TFRC: variants seen among roughly 807,000 people sequenced by gnomAD.
TFRC encodes transferrin receptor.
A neutral mutation model predicts 85.8 loss-of-function variants in TFRC; 35 were observed. The observed-to-expected ratio is 0.41, with a 90% CI of 0.31 to 0.54. The LOEUF (loss-of-function observed/expected upper bound fraction) is 0.54, where lower values mean the gene tolerates loss of function less well. Among genes scored for constraint, TFRC ranks in the 20% least tolerant of loss-of-function variants. TFRC has a pLI of 0.31. For missense variants in TFRC, 828 were observed against 921.5 expected (o/e 0.90, Z 1.31); for synonymous variants, 362 against 328.6 (o/e 1.10, Z -1.10).
chr3:196,066,841 G>A (rs2300774), intron 9 of TFRC, among the ~76,000 whole-genome samples: 73,089 of 152,024 alleles, frequency 0.48, 19,361 homozygotes, highest in Non-Finnish European at 0.61. Context: ...CAGGATCAGA[G>A]AACCTATGTC....
chr3:196,060,452 G>A (rs534987968), intron 13 of TFRC: 14 of 551,260 alleles, frequency 2.5e-5, no homozygotes, highest in African/African-American at 1.5e-4. Context: ...AAGTGGGCTC[G>A]TACTACTCCT....
intron 16 of TFRC, among the ~76,000 whole-genome samples, chr3:196,057,365 A>G (rs903264370): frequency 2.8e-4 from 42 of 152,168 alleles, no homozygotes; most frequent in African/African-American, 9.9e-4. Flanking sequence ...CCAATTGATC[A>G]CGACCCTCTC....
intron 16 of TFRC, 124 bp downstream of exon 16, chr3:196,058,160 C>T (rs1577222752): frequency 1.4e-6 from 1 of 696,350 alleles, no homozygotes; most frequent in African/African-American, 1.8e-5. Context: ...TTCCTTTACT[C>T]CTCTGAATAT....
chr3:196,067,252 G>C (rs1356141613), intron 9 of TFRC, among the ~76,000 whole-genome samples: 1 of 152,238 alleles, frequency 6.6e-6, no homozygotes, highest in African/African-American at 2.4e-5. Flanking sequence ...TACTTGAGCA[G>C]AAGCTATGCC....
At chr3:196,065,852 T>C (rs1323779755) in intron 9 of TFRC, among the ~76,000 whole-genome samples, 1 of 151,876 alleles carries the variant, frequency 6.6e-6, no homozygotes, top group African/African-American at 2.4e-5. Context: ...TAACTGGGCA[T>C]GGTGGCATGC....
rs1321817991 is a variant in TFRC, at chr3:196,058,214, T to C, written c.1677+70A>G. On this transcript the variant is annotated intron_variant, in intron 16 of 18. Coordinates refer to ENST00000360110, the MANE Select transcript of TFRC (RefSeq NM_001128148.3). ...CACAGGCATTCCCATTGCAATGCCC[T>C]ATTCCCAAATACAGATCACTTCCTT... The C allele has an allele frequency of 9.2e-5, 119 of 1,293,608 alleles. 1 individual carries two copies. In the East Asian group the frequency reaches 2.8e-3, roughly 30 times the overall value. The allele number at this position is 1,293,608 out of a possible 1,614,324, so 80.1% of individuals were successfully genotyped here. A position where few individuals can be genotyped will look rare whatever the true frequency, so the allele number is the denominator to read the frequency against.
chr3:196,072,485 G>T (rs1718294635), intron 4 of TFRC, among the ~76,000 whole-genome samples: 1 of 152,182 alleles, frequency 6.6e-6, no homozygotes, highest in Admixed American at 6.5e-5. Flanking sequence ...GTGCTGAACA[G>T]AGTGCATAGT....
At chr3:196,062,817 G>A in intron 12 of TFRC, 37 bp downstream of exon 12, 1 of 1,603,150 alleles carries the variant, frequency 6.2e-7, no homozygotes, top group African/African-American at 1.3e-5. Flanking sequence ...AAGCCCACAA[G>A]CTCGTGTCCA....
chr3:196,077,106 C>T lies in TFRC; in HGVS notation c.-7G>A. ...ATCTAGCTTGATCCATCATTCTGAA[C>T]TGCCACACAGAAGAACCTAGGTATC... On this transcript the variant is annotated 5_prime_UTR_variant, in exon 2 of 19. Coordinates refer to ENST00000360110, the MANE Select transcript of TFRC (RefSeq NM_001128148.3). 1 of 1,613,360 alleles carries T rather than the reference C, an allele frequency of 6.2e-7. No individual in the cohort carries two copies. Among genetic ancestry groups the T allele is most frequent in the South Asian group, 1.1e-5 (1 of 91,028 alleles).
At chr3:196,055,413 C>CAA in intron 16 of TFRC, 112 bp from the exon 17 acceptor site, 1 of 822,740 alleles carries the variant, frequency 1.2e-6, no homozygotes, top group Non-Finnish European at 2.0e-6. Context: ...TTGCTTCTAA[C>CAA]ATATTCCTAC....
chr3:196,076,359 T>A (rs1718696718), intron 2 of TFRC, among the ~76,000 whole-genome samples: 1 of 151,910 alleles, frequency 6.6e-6, no homozygotes, highest in Admixed American at 6.6e-5. Context: ...CCCAGGCAAG[T>A]CTCAAACTCC....
rs1247243621 is a variant in TFRC at position 196,075,310 on chromosome 3, T to C, written c.87A>G (p.Val29=). 4 of 1,614,192 alleles carry C rather than the reference T, an allele frequency of 2.5e-6. No homozygotes were observed. Among genetic ancestry groups the C allele is most frequent in the Non-Finnish European group, 3.4e-6 (4 of 1,180,032 alleles). ...SYTRFSLARQ[V]DGDNSHVEMK... ...TCTCCACATGACTGTTATCGCCATC[T>C]ACTTGCCGAGCCAGGCTGAACCGGG... Residue 29 remains valine, a synonymous_variant, in exon 3 of 19, where the codon GTA becomes GTG. Coordinates refer to ENST00000360110, the MANE Select transcript of TFRC (RefSeq NM_001128148.3).
intron 9 of TFRC, among the ~76,000 whole-genome samples, chr3:196,067,095 GT>G (rs1163497417): frequency 2.0e-5 from 3 of 152,192 alleles, no homozygotes; most frequent in Non-Finnish European, 4.4e-5. Context: ...TATAGACAAG[GT>G]AACTGGAATC....
At chr3:196,053,187 T>C (rs139233049) in intron 18 of TFRC, among the ~76,000 whole-genome samples, 1 of 152,206 alleles carries the variant, frequency 6.6e-6, no homozygotes, top group Non-Finnish European at 1.5e-5. Context: ...GTTCAGATTC[T>C]TTTCCCCATT....
At position 196,050,588 on chromosome 3, in the gene TFRC, A is replaced by G. The variant is rs1375944921; in HGVS notation, c.*1354T>C. 1 of 203,186 alleles carries G rather than the reference A, an allele frequency of 4.9e-6. No individual in the cohort carries two copies. The highest frequency in any genetic ancestry group is 1.0e-5 in the Non-Finnish European group (1 of 98,902). 12.6% of individuals were successfully genotyped at this position (203,186 alleles called of 1,614,324 possible). ...TTGTTCTTTATACATTATGGAAGACACTGCTCCCGATAATGTGTTAGGATT... is the reference window on the plus strand; with the variant it reads ...TTGTTCTTTATACATTATGGAAGACGCTGCTCCCGATAATGTGTTAGGATT... On this transcript the variant is annotated 3_prime_UTR_variant, in exon 19 of 19. Coordinates refer to ENST00000360110, the MANE Select transcript of TFRC (RefSeq NM_001128148.3).
intron 15 of TFRC, 65 bp from the exon 16 acceptor site, chr3:196,058,430 T>TCC (rs1316680862): frequency 6.6e-7 from 1 of 1,515,530 alleles, no homozygotes; most frequent in East Asian, 2.3e-5. Flanking sequence ...ATCGTGCTAG[T>TCC]CCCCCCATCC....
chr3:196,081,508 C>G (rs1414116969), intron 1 of TFRC, among the ~76,000 whole-genome samples: 1 of 152,228 alleles, frequency 6.6e-6, no homozygotes, highest in African/African-American at 2.4e-5. Context: ...CAAGGTCACC[C>G]ACGAATCCCA....
rs371126055 is a variant in TFRC, at chr3:196,052,125, G to C, written c.2100C>G (p.Val700=). 6.2e-7 allele frequency: 1 copy of C among 1,614,088 alleles called. No homozygotes were observed. Among genetic ancestry groups the C allele is most frequent in the African/African-American group, 1.3e-5 (1 of 75,014 alleles). Residue 700 remains valine, a synonymous_variant, in exon 19 of 19, where the codon GTC becomes GTG. Transcript: ENST00000360110. Reference sequence around the variant, plus strand: ...GCGTGTGAGAGCCGGAGCCCCAGAAGACATGTCGGAAAGGAGACTCTTTTG... The same window carrying C: ...GCGTGTGAGAGCCGGAGCCCCAGAACACATGTCGGAAAGGAGACTCTTTTG... The part of the protein sequence containing the change: ...VSPKESPFRH[V]FWGSGSHTLP...
At chr3:196,072,277 G>C (rs1039976447) in intron 4 of TFRC, 125 bp from the exon 5 acceptor site, 5 of 1,289,568 alleles carry the variant, frequency 3.9e-6, no homozygotes, top group Non-Finnish European at 5.3e-6. Flanking sequence ...AATGAACTGT[G>C]ACCCAAAACT....
Sources: gnomAD v4.1 joint callset for allele counts (sites outside exome capture counted in the v4.1 genomes callset) on GRCh38, gnomAD v4.1.1 for gene constraint, MANE v1.5 for transcripts, NCBI Gene and HGNC (gene_info 2026-07-23, HGNC 2026-07-21) for gene names.